UTP18: variants seen among roughly 807,000 people sequenced by gnomAD.
UTP18 encodes UTP18 small subunit processome component.
In UTP18, 36 loss-of-function variants were observed where a neutral mutation model predicts 61.1. The ratio of observed to expected loss-of-function variants is 0.59; its 90% CI spans 0.45 to 0.78. The LOEUF (loss-of-function observed/expected upper bound fraction) is 0.78, where lower values mean the gene tolerates loss of function less well. Ranked by LOEUF, UTP18 falls within the 30% of genes least tolerant of loss-of-function variation. UTP18 has a pLI of 0.00. For synonymous variants in UTP18, 282 were observed against 251.1 expected (o/e 1.12, Z -1.16); for missense variants, 753 against 693.9 (o/e 1.09, Z -0.96).
At chr17:51,268,992 A>G in intron 4 of UTP18, 88 bp downstream of exon 4, 1 of 1,379,244 alleles carries the variant, frequency 7.3e-7, no homozygotes. Context: ...GCTCATTAAA[A>G]CCTGGCATTT....
At chr17:51,270,054 C>G (rs1293118478) in intron 4 of UTP18, among the ~76,000 whole-genome samples, 1 of 152,130 alleles carries the variant, frequency 6.6e-6, no homozygotes, top group Admixed American at 6.5e-5. Flanking sequence ...CGGGGTTTCA[C>G]CGTGTTGGCC....
chr17:51,267,008 T>A (rs1218715770), intron 3 of UTP18, among the ~76,000 whole-genome samples: 1 of 152,148 alleles, frequency 6.6e-6, no homozygotes, highest in African/African-American at 2.4e-5. Flanking sequence ...AAAATTTTTT[T>A]GTAGGAATGG....
At chr17:51,261,302 T>TG (rs1393441018) in intron 1 of UTP18, among the ~76,000 whole-genome samples, 1 of 152,352 alleles carries the variant, frequency 6.6e-6, no homozygotes, top group East Asian at 1.9e-4. Flanking sequence ...ATTTCGTTGA[T>TG]GGAATCAATT....
intron 10 of UTP18, 75 bp downstream of exon 10, chr17:51,285,443 G>A: frequency 6.5e-7 from 1 of 1,537,076 alleles, no homozygotes; most frequent in East Asian, 2.3e-5. Context: ...GAATATACTA[G>A]GTGGTGCATG....
At chr17:51,276,870 C>T (rs927688690) in intron 6 of UTP18, among the ~76,000 whole-genome samples, 2 of 152,190 alleles carry the variant, frequency 1.3e-5, no homozygotes, top group Non-Finnish European at 2.9e-5. Flanking sequence ...GCTTCCGTGC[C>T]TTCTCAGGGC....
chr17:51,280,141 C>T lies in UTP18; in HGVS notation c.1113+36C>T, dbSNP rs377302912. On this transcript the variant is annotated intron_variant, in intron 8 of 13. Coordinates refer to ENST00000225298, the MANE Select transcript of UTP18 (RefSeq NM_016001.3). ...ATTATTGCTTCTTGTTCTTCTCCCA[C>T]AAGACACTAGTGTAGGGATAGTCTT... 6.3e-6 allele frequency: 10 copies of T among 1,584,052 alleles called. No homozygotes were observed. In the African/African-American group the frequency reaches 1.2e-4, roughly 19 times the overall value.
chr17:51,269,323 A>C (rs1013293897), intron 4 of UTP18, among the ~76,000 whole-genome samples: 17 of 141,894 alleles, frequency 1.2e-4, no homozygotes, highest in Non-Finnish European at 2.0e-4. Flanking sequence ...AAAAAAAAAA[A>C]AAACCAAAAA....
In UTP18 at chr17:51,260,737, G is replaced by C. The variant is rs751779835; in HGVS notation, c.153G>C (p.Pro51=). 1.9e-6 allele frequency: 3 copies of C among 1,589,728 alleles called. No individual in the cohort carries two copies. Among genetic ancestry groups the C allele is most frequent in the South Asian group, 1.1e-5 (1 of 88,878 alleles). Residue 51 remains proline, a synonymous_variant, in exon 1 of 14, where the codon CCG becomes CCC. Transcript: ENST00000225298. ...KPAPSSQRKP[P]ARPSAAAAAI... is the part of the protein sequence containing the mutation. Reference sequence around the variant, plus strand: ...CCCCTTCATCCCAGCGGAAACCGCCGGCCCGGCCGAGCGCGGCGGCCGCTG... The same window carrying C: ...CCCCTTCATCCCAGCGGAAACCGCCCGCCCGGCCGAGCGCGGCGGCCGCTG...
At position 51,287,960 on chromosome 17, in the gene UTP18, A is replaced by G. The variant is rs1237424810; in HGVS notation, c.1329-69A>G. On this transcript the variant is annotated intron_variant, in intron 10 of 13. Coordinates refer to ENST00000225298, the MANE Select transcript of UTP18 (RefSeq NM_016001.3). Reference sequence around the variant, plus strand: ...AATACCAGTTTGTGGGGTTAAATCTATATTCACTTAGGTTGTGAAAGCCCT... The same window carrying G: ...AATACCAGTTTGTGGGGTTAAATCTGTATTCACTTAGGTTGTGAAAGCCCT... The G allele has an allele frequency of 1.5e-5, 18 of 1,213,022 alleles. No homozygotes were observed. The Admixed American group carries it at 2.1e-4, about 14-fold the overall frequency. 75.1% of individuals were successfully genotyped at this position (1,213,022 alleles called of 1,614,324 possible). A position where few individuals can be genotyped will look rare whatever the true frequency, so the allele number is the denominator to read the frequency against.
chr17:51,261,070 G>T, intron 1 of UTP18, 144 bp downstream of exon 1: 1 of 711,432 alleles, frequency 1.4e-6, no homozygotes, highest in Non-Finnish European at 2.0e-6. Flanking sequence ...GGGCGCGGAG[G>T]GTCGCAGCTG....
chr17:51,280,534 C>G, intron 9 of UTP18, 55 bp downstream of exon 9: 1 of 1,571,990 alleles, frequency 6.4e-7, no homozygotes, highest in Non-Finnish European at 8.7e-7. Context: ...AAATTTTAGG[C>G]CAGGCGCGGT....
Position 51,275,953 on chromosome 17 carries a change from A to G in UTP18, c.799A>G (p.Met267Val), listed in dbSNP as rs1009839635. The change falls in exon 6 of 14, where the codon ATG becomes GTG. Residue 267 changes from methionine to valine, a missense_variant. By Grantham distance (21) the Met-to-Val change is conservative. Coordinates refer to ENST00000225298, the MANE Select transcript of UTP18 (RefSeq NM_016001.3). ...GTTCCATCCCGGTGCACAGATTGTGATGGTTGCTGGATTAGATAATGCTGT... is the reference window on the plus strand; with the variant it reads ...GTTCCATCCCGGTGCACAGATTGTGGTGGTTGCTGGATTAGATAATGCTGT... Reference protein sequence around the residue: ...VQFHPGAQIVMVAGLDNAVSL... With the variant: ...VQFHPGAQIVVVAGLDNAVSL... 6.2e-7 allele frequency: 1 copy of G among 1,612,806 alleles called. No homozygotes were observed. The highest frequency in any genetic ancestry group is 1.3e-5 in the African/African-American group (1 of 74,924).
At chr17:51,297,075 G>C in intron 13 of UTP18, 72 bp downstream of exon 13, 1 of 1,311,984 alleles carries the variant, frequency 7.6e-7, no homozygotes, top group Non-Finnish European at 1.1e-6. Flanking sequence ...GGTGGAAGCA[G>C]CACATTAGCT....
At position 51,294,032 on chromosome 17, in the gene UTP18, G is replaced by A; in HGVS notation, c.1633G>A (p.Ala545Thr). The part of the protein sequence containing the change: ...YFALGNEKGK[A>T]LMYRLHHYSD... ...TGCCTTGGGGAATGAAAAGGGCAAGGCCCTGATGTATAGGTAGGTATTATT... is the reference window on the plus strand; with the variant it reads ...TGCCTTGGGGAATGAAAAGGGCAAGACCCTGATGTATAGGTAGGTATTATT... The change falls in exon 12 of 14, where the codon GCC (alanine) becomes ACC (threonine). Residue 545 changes from alanine to threonine, a missense_variant. Ala to Thr is a moderately conservative substitution (Grantham distance 58, BLOSUM62 0). Transcript: ENST00000225298. 6.2e-7 allele frequency: 1 copy of A among 1,603,330 alleles called. No homozygotes were observed. The highest frequency in any genetic ancestry group is 2.2e-5 in the East Asian group (1 of 44,516).
intron 6 of UTP18, 133 bp from the exon 7 acceptor site, chr17:51,276,997 C>A (rs750311189): frequency 8.2e-6 from 7 of 855,128 alleles, no homozygotes; most frequent in Non-Finnish European, 1.2e-5. Flanking sequence ...AATCACTGGC[C>A]GTGGCTGCTT....
At chr17:51,293,334 G>A (rs1485598131) in intron 11 of UTP18, among the ~76,000 whole-genome samples, 1 of 152,144 alleles carries the variant, frequency 6.6e-6, no homozygotes, top group Admixed American at 6.6e-5. Context: ...GGACACAGTA[G>A]AATAATAGGC....
chr17:51,275,772 T>A, intron 5 of UTP18, 94 bp from the exon 6 acceptor site: 1 of 1,190,600 alleles, frequency 8.4e-7, no homozygotes, highest in Non-Finnish European at 1.1e-6. Context: ...ATTTTTTTCC[T>A]TCATTATAAA....
At position 51,271,329 on chromosome 17, in the gene UTP18, CA is replaced by C. The variant is rs1225223277; in HGVS notation, c.623-2032del. ...TTTTTGGTTTGGTTTTTTTTTGAGA[CA>C]GGGTCTCACTCTATCGCCCAGTCTG... On this transcript the variant is annotated intron_variant, in intron 4 of 13. Transcript: ENST00000225298. 4.6e-5 allele frequency among the ~76,000 whole-genome samples: 7 copies of C among 151,736 alleles called. No homozygotes were observed. The East Asian group carries it at 1.4e-3, about 29-fold the overall frequency.
At chr17:51,271,590 C>T (rs944966233) in intron 4 of UTP18, among the ~76,000 whole-genome samples, 7 of 152,060 alleles carry the variant, frequency 4.6e-5, no homozygotes, top group East Asian at 1.9e-4. Context: ...TTTTCTGATT[C>T]GTTTTCTAGA....
Sources: gnomAD v4.1 joint callset for allele counts (sites outside exome capture counted in the v4.1 genomes callset) on GRCh38, gnomAD v4.1.1 for gene constraint, MANE v1.5 for transcripts, NCBI Gene and HGNC (gene_info 2026-07-23, HGNC 2026-07-21) for gene names.